The following FGF14 variants were observed in gnomAD, a reference collection of about 807,000 sequenced individuals.
FGF14 encodes fibroblast growth factor 14, also known as fibroblast growth factor homologous factor 4.
A neutral mutation model predicts 25.5 loss-of-function variants in FGF14; 5 were observed. The ratio of observed to expected loss-of-function variants is 0.20; its 90% CI spans 0.10 to 0.41. FGF14 has a LOEUF of 0.41. FGF14 is among the 10% of genes least tolerant of loss of function. The probability of loss-of-function intolerance (pLI) is 1.00; values close to 1 mark genes in which losing one functional copy is unlikely to be tolerated. For missense variants in FGF14, 222 were observed against 320.1 expected (o/e 0.69, Z 2.34); for synonymous variants, 138 against 118.3 (o/e 1.17, Z -1.08).
At chr13:101,903,820 G>T (rs991620012) in intron 1 of FGF14, among the ~76,000 whole-genome samples, 1 of 152,172 alleles carries the variant, frequency 6.6e-6, no homozygotes, top group African/African-American at 2.4e-5. Flanking sequence ...AGCATCTAGA[G>T]GACAGTCCTG....
chr13:101,883,064 C>T (rs2045801498), intron 1 of FGF14, among the ~76,000 whole-genome samples: 1 of 152,036 alleles, frequency 6.6e-6, no homozygotes, highest in Non-Finnish European at 1.5e-5. Context: ...ACAGGAAAAA[C>T]ATTTAAACCA....
chr13:101,917,910 G>A (rs1594724611), upstream of FGF14, among the ~76,000 whole-genome samples: 2 of 152,254 alleles, frequency 1.3e-5, no homozygotes, highest in Admixed American at 1.3e-4. Flanking sequence ...GGAGAATGTT[G>A]AAGAAGTCAG....
At chr13:101,960,496 T>A (rs2036782370) in intron 1 of FGF14, among the ~76,000 whole-genome samples, 1 of 152,186 alleles carries the variant, frequency 6.6e-6, no homozygotes, top group Non-Finnish European at 1.5e-5. Flanking sequence ...TCTAGCTCCA[T>A]CCATGTCCCT....
intron 1 of FGF14, among the ~76,000 whole-genome samples, chr13:101,913,634 C>CT (rs1321439644): frequency 2.6e-5 from 4 of 151,924 alleles, no homozygotes; most frequent in Non-Finnish European, 4.4e-5. Flanking sequence ...TTCTATGCCT[C>CT]TTTTTTTTCT....
At chr13:101,960,059 A>G (rs1477442016) in intron 1 of FGF14, among the ~76,000 whole-genome samples, 2 of 152,184 alleles carry the variant, frequency 1.3e-5, no homozygotes, top group Admixed American at 6.5e-5. Flanking sequence ...AAATTATCAA[A>G]CTGTTTGTTG....
At chr13:102,136,037 T>C (rs2046394986) in intron 1 of FGF14, among the ~76,000 whole-genome samples, 1 of 152,320 alleles carries the variant, frequency 6.6e-6, no homozygotes, top group East Asian at 1.9e-4. Context: ...TGGAGAGCTA[T>C]ATTCCCTAAA....
chr13:102,186,100 T>C (rs1477937213), intron 1 of FGF14, among the ~76,000 whole-genome samples: 2 of 152,142 alleles, frequency 1.3e-5, no homozygotes, highest in Non-Finnish European at 2.9e-5. Flanking sequence ...GTGATTTTTT[T>C]CCAGGTTAAA....
intron 1 of FGF14, among the ~76,000 whole-genome samples, chr13:102,232,293 T>C (rs987711635): frequency 2.2e-4 from 18 of 82,176 alleles, no homozygotes; most frequent in African/African-American, 1.5e-3. Flanking sequence ...AAGAAAAGAA[T>C]AAAACTAAAA....
chr13:101,838,562 C>T (rs1297883346), intron 3 of FGF14, among the ~76,000 whole-genome samples: 2 of 152,008 alleles, frequency 1.3e-5, no homozygotes, highest in South Asian at 4.1e-4. Context: ...AATCACATAA[C>T]CTTCATAAGA....
intron 1 of FGF14, among the ~76,000 whole-genome samples, chr13:102,208,792 G>C (rs1312646047): frequency 6.6e-6 from 1 of 152,150 alleles, no homozygotes; most frequent in Non-Finnish European, 1.5e-5. Context: ...AATCCAAAGA[G>C]AGTATTTATC....
rs559674887 is a variant in FGF14, at chr13:102,005,566, A to G, written c.209-130270T>C. On this transcript the variant is annotated intron_variant, in intron 1 of 4. Transcript: ENST00000376131. ...GTTCAGTGCACATCAGCACAAGCAA[A>G]TATGATATTTACAAAGATGACTGCT... Among the ~76,000 whole-genome samples, 14 of 152,322 alleles carry G rather than the reference A, an allele frequency of 9.2e-5. No homozygotes were observed. The East Asian group carries it at 2.3e-3, about 25-fold the overall frequency.
intron 1 of FGF14, among the ~76,000 whole-genome samples, chr13:102,333,862 T>TAA (rs1177999628): frequency 1.1e-4 from 16 of 152,250 alleles, no homozygotes; most frequent in Admixed American, 8.5e-4. Flanking sequence ...CACCACAGGA[T>TAA]GTTTCTTATT....
chr13:102,119,328 T>G (rs2045612742), intron 1 of FGF14, among the ~76,000 whole-genome samples: 1 of 152,110 alleles, frequency 6.6e-6, no homozygotes, highest in Admixed American at 6.5e-5. Flanking sequence ...CCAAACAGAC[T>G]ATATCGTGGG....
Position 101,714,351 on chromosome 13 carries a change from C to G in FGF14, c.*8480G>C. 1 of 805,254 alleles carries G rather than the reference C, an allele frequency of 1.2e-6. No individual in the cohort carries two copies. 49.9% of individuals were successfully genotyped at this position (805,254 alleles called of 1,614,324 possible). On this transcript the variant is annotated 3_prime_UTR_variant, in exon 5 of 5. Coordinates refer to ENST00000376143, the MANE Select transcript of FGF14 (RefSeq NM_004115.4). ...CTTTGGATGATGGGTTATTAGAAGC[C>G]TGTTGTCAGTGTGTCAACGATATTC...
intron 1 of FGF14, among the ~76,000 whole-genome samples, chr13:102,190,550 C>T (rs1320475252): frequency 6.6e-6 from 1 of 152,150 alleles, no homozygotes; most frequent in Non-Finnish European, 1.5e-5. Context: ...AGAATGTTGG[C>T]TTTGAACAAT....
intron 1 of FGF14, among the ~76,000 whole-genome samples, chr13:102,234,610 G>C (rs2051244344): frequency 6.6e-6 from 1 of 151,966 alleles, no homozygotes; most frequent in African/African-American, 2.4e-5. Flanking sequence ...TTAAATAATA[G>C]GCAATTTTCA....
chr13:101,905,043 A>G (rs1009738711), intron 1 of FGF14, among the ~76,000 whole-genome samples: 8 of 152,192 alleles, frequency 5.3e-5, no homozygotes, highest in Non-Finnish European at 5.9e-5. Context: ...AGTCTAAGAG[A>G]TGATGGAACA....
intron 1 of FGF14, among the ~76,000 whole-genome samples, chr13:102,365,593 G>C (rs1157219877): frequency 6.6e-6 from 1 of 151,858 alleles, no homozygotes; most frequent in African/African-American, 2.4e-5. Flanking sequence ...TCCTTGTTTT[G>C]CTTTGTCCAC....
intron 1 of FGF14, among the ~76,000 whole-genome samples, chr13:102,276,056 G>T (rs1289492909): frequency 2.0e-5 from 3 of 151,822 alleles, no homozygotes; most frequent in African/African-American, 7.3e-5. Flanking sequence ...TGTAGAATAT[G>T]AAATGACTAT....
Sources: gnomAD v4.1 joint callset for allele counts (sites outside exome capture counted in the v4.1 genomes callset) on GRCh38, gnomAD v4.1.1 for gene constraint, MANE v1.5 for transcripts, NCBI Gene and HGNC (gene_info 2026-07-23, HGNC 2026-07-21) for gene names.